The following LRRC37A2 variants were observed in gnomAD, a reference collection of about 807,000 sequenced individuals.
The protein encoded by LRRC37A2 is leucine-rich repeat-containing protein 37A2.
A neutral mutation model predicts 68.8 loss-of-function variants in LRRC37A2; 9 were observed. That is an observed-to-expected ratio of 0.13 (90% CI 0.08 to 0.23). The LOEUF is 0.23. LRRC37A2 is among the 10% of genes least tolerant of loss of function. LRRC37A2 has a pLI of 1.00. For missense variants in LRRC37A2, 168 were observed against 950.4 expected, an observed-to-expected ratio of 0.18 and a Z score of 10.82; for synonymous variants, 63 against 367.6, an observed-to-expected ratio of 0.17 and a Z score of 9.48.
chr17:46,845,784 GCTTTT>G, the LRRC37A2 span, among the ~76,000 whole-genome samples: 1 of 120,194 alleles, frequency 8.3e-6, no homozygotes, highest in East Asian at 2.7e-4. Context: ...CACTGTGCTG[GCTTTT>G]TTTTTTTTTT....
chr17:46,499,496 C>T, the LRRC37A2 span, among the ~76,000 whole-genome samples: 1 of 146,368 alleles, frequency 6.8e-6, no homozygotes, highest in East Asian at 2.0e-4. Context: ...GCATCTCTGC[C>T]CTCAGCAGGT....
chr17:46,876,636 G>A, the LRRC37A2 span: 1 of 1,610,198 alleles, frequency 6.2e-7, no homozygotes. Flanking sequence ...GCCTTCTCCT[G>A]CCACTGCCAG....
the LRRC37A2 span, among the ~76,000 whole-genome samples, chr17:46,865,822 G>C: frequency 9.9e-5 from 15 of 152,216 alleles, no homozygotes; most frequent in East Asian, 2.9e-3. Context: ...ACGTTGCCCA[G>C]GCTGGTTTTG....
the LRRC37A2 span, among the ~76,000 whole-genome samples, chr17:46,773,161 G>A: frequency 5.6e-3 from 857 of 152,176 alleles, 4 homozygotes; most frequent in African/African-American, 0.02. Context: ...GCACCCTCTA[G>A]CCCCACCATG....
the LRRC37A2 span, among the ~76,000 whole-genome samples, chr17:46,395,242 GTAGAT>G: frequency 1.8e-5 from 1 of 55,314 alleles, no homozygotes; most frequent in African/African-American, 8.7e-5. Flanking sequence ...GAGACAGAAA[GTAGAT>G]TAGTGGTTGA....
the LRRC37A2 span, among the ~76,000 whole-genome samples, chr17:46,737,946 A>G: frequency 1.0e-3 from 107 of 104,590 alleles, 4 homozygotes; most frequent in East Asian, 0.024. Context: ...TATTATTATT[A>G]TTATTAGAGA....
the LRRC37A2 span, among the ~76,000 whole-genome samples, chr17:46,765,597 C>T: frequency 1.2e-4 from 19 of 152,262 alleles, no homozygotes; most frequent in Non-Finnish European, 2.2e-4. Flanking sequence ...GAACAGCTAA[C>T]GACTCTGTCC....
At chr17:46,857,843 T>C in the LRRC37A2 span, among the ~76,000 whole-genome samples, 2 of 152,364 alleles carry the variant, frequency 1.3e-5, no homozygotes, top group Admixed American at 6.5e-5. Context: ...CATTTTCCCA[T>C]GTGTATATTG....
the LRRC37A2 span, among the ~76,000 whole-genome samples, chr17:46,893,893 T>A: frequency 6.6e-6 from 1 of 152,132 alleles, no homozygotes; most frequent in Non-Finnish European, 1.5e-5. Flanking sequence ...ATGCTTCAAG[T>A]GGGCGTGGAG....
the LRRC37A2 span, chr17:47,033,477 G>C: frequency 3.0e-6 from 2 of 675,062 alleles, no homozygotes; most frequent in South Asian, 3.2e-5. Context: ...TTATTTCTTT[G>C]ACTACCTTCT....
At chr17:46,872,817 C>G in the LRRC37A2 span, 83 of 1,497,940 alleles carry the variant, frequency 5.5e-5, no homozygotes, top group Non-Finnish European at 7.1e-5. Context: ...GGGGAAGAAG[C>G]CTTCAGGGAG....
the LRRC37A2 span, chr17:46,939,046 G>T: frequency 7.9e-7 from 1 of 1,266,264 alleles, no homozygotes; most frequent in Non-Finnish European, 1.0e-6. Context: ...AATGGCTTTG[G>T]TGGCTTTGTT....
chr17:46,940,277 C>G, the LRRC37A2 span: 1 of 1,433,398 alleles, frequency 7.0e-7, no homozygotes, highest in Non-Finnish European at 9.1e-7. Context: ...CTCCATTGTT[C>G]CTACCCCTCC....
At chr17:46,996,769 C>G in the LRRC37A2 span, among the ~76,000 whole-genome samples, 1 of 152,254 alleles carries the variant, frequency 6.6e-6, no homozygotes, top group Non-Finnish European at 1.5e-5. Flanking sequence ...CTCAGGCCTC[C>G]CAAAGCGCTG....
At chr17:46,879,034 C>A in the LRRC37A2 span, among the ~76,000 whole-genome samples, 1 of 152,164 alleles carries the variant, frequency 6.6e-6, no homozygotes, top group Non-Finnish European at 1.5e-5. Context: ...GACCACTGAC[C>A]CCTCATTCTA....
chr17:46,976,778 C>T, the LRRC37A2 span, among the ~76,000 whole-genome samples: 2 of 152,180 alleles, frequency 1.3e-5, no homozygotes, highest in African/African-American at 4.8e-5. Flanking sequence ...TTCCCCAAAC[C>T]ACTGAGGGCA....
chr17:46,761,333 TG>T, the LRRC37A2 span, among the ~76,000 whole-genome samples: 71 of 151,188 alleles, frequency 4.7e-4, no homozygotes, highest in Non-Finnish European at 8.7e-4. Context: ...TTTTTTTGTT[TG>T]TTTTTTTTTT....
chr17:47,019,669 C>T, the LRRC37A2 span: 2 of 1,400,158 alleles, frequency 1.4e-6, no homozygotes, highest in South Asian at 2.3e-5. Context: ...AAGGCCTCCA[C>T]AAGCACCAAC....
the LRRC37A2 span, among the ~76,000 whole-genome samples, chr17:46,921,669 G>A: frequency 2.6e-5 from 4 of 152,116 alleles, no homozygotes; most frequent in African/African-American, 7.2e-5. Flanking sequence ...ACAAGTGGGC[G>A]AAGGATATGA....
Sources: allele counts gnomAD v4.1 joint callset (sites outside exome capture counted in the v4.1 genomes callset), GRCh38; gene constraint gnomAD v4.1.1; transcripts MANE v1.5; gene names NCBI Gene and HGNC (gene_info 2026-07-23, HGNC 2026-07-21).